The following ZNF804B variants were observed in gnomAD, a reference collection of about 807,000 sequenced individuals.
The protein encoded by ZNF804B is zinc finger 804B.
In ZNF804B, 80 loss-of-function variants were observed where a neutral mutation model predicts 101.4. The observed-to-expected ratio is 0.79, with a 90% CI of 0.66 to 0.95. The LOEUF (loss-of-function observed/expected upper bound fraction) is 0.95, where lower values mean the gene tolerates loss of function less well. Ranked by LOEUF, ZNF804B falls within the 40% of genes least tolerant of loss-of-function variation. ZNF804B has a pLI of 0.00. For missense variants in ZNF804B, 1,673 were observed against 1,561.9 expected (o/e 1.07, Z -1.20); for synonymous variants, 622 against 558.8 (o/e 1.11, Z -1.59).
In ZNF804B at chr7:89,327,325, GT is replaced by G; in HGVS notation, c.250-14del. 6.4e-7 allele frequency: 1 copy of G among 1,569,876 alleles called. No homozygotes were observed. ...ATTATTTATTTATAGTACCTTTTTG[GT>G]TTTTCTTCTTTTTCAAGAGACTGAA... On this transcript the variant is annotated intron_variant, in intron 2 of 3. Transcript: ENST00000333190.
At chr7:89,262,145 C>A (rs1789721077) in intron 2 of ZNF804B, among the ~76,000 whole-genome samples, 1 of 152,130 alleles carries the variant, frequency 6.6e-6, no homozygotes, top group African/African-American at 2.4e-5. Flanking sequence ...TTTTCAACTT[C>A]GTTGATTGAC....
chr7:89,205,559 G>A (rs1788703171), intron 1 of ZNF804B, among the ~76,000 whole-genome samples: 1 of 152,180 alleles, frequency 6.6e-6, no homozygotes, highest in African/African-American at 2.4e-5. Context: ...CCAAAATCCA[G>A]TGGGGCTGTC....
intron 1 of ZNF804B, among the ~76,000 whole-genome samples, chr7:88,853,261 A>G (rs1372158390): frequency 6.6e-6 from 1 of 152,160 alleles, no homozygotes; most frequent in African/African-American, 2.4e-5. Flanking sequence ...AGTGGCCCTC[A>G]CGCACTGTTA....
At chr7:89,121,698 A>G (rs1285180215) in intron 1 of ZNF804B, among the ~76,000 whole-genome samples, 1 of 152,176 alleles carries the variant, frequency 6.6e-6, no homozygotes. Context: ...AAAGAATCTA[A>G]AGATTTACCC....
At chr7:89,089,995 T>C (rs1444672517) in intron 1 of ZNF804B, among the ~76,000 whole-genome samples, 1 of 152,108 alleles carries the variant, frequency 6.6e-6, no homozygotes, top group Admixed American at 6.6e-5. Context: ...TAAAAGTAGT[T>C]GTTACATTTA....
chr7:89,055,144 G>A (rs556749969), intron 1 of ZNF804B, among the ~76,000 whole-genome samples: 1 of 152,196 alleles, frequency 6.6e-6, no homozygotes, highest in East Asian at 1.9e-4. Context: ...AATTTTGAGG[G>A]ATGACTTGAC....
At chr7:89,160,688 T>C (rs1791046111) in intron 1 of ZNF804B, among the ~76,000 whole-genome samples, 1 of 152,126 alleles carries the variant, frequency 6.6e-6, no homozygotes, top group Non-Finnish European at 1.5e-5. Context: ...ATAATAACCA[T>C]TTGGGACTTT....
chr7:89,140,935 T>C (rs1405022001), intron 1 of ZNF804B, among the ~76,000 whole-genome samples: 2 of 151,690 alleles, frequency 1.3e-5, no homozygotes, highest in Admixed American at 6.6e-5. Flanking sequence ...AGCTTAATCA[T>C]TTCTAGCTTT....
chr7:89,034,777 T>C (rs962740637), intron 1 of ZNF804B, among the ~76,000 whole-genome samples: 1 of 152,166 alleles, frequency 6.6e-6, no homozygotes, highest in Admixed American at 6.6e-5. Flanking sequence ...GTAATGGGAT[T>C]GCTGGGTCAA....
intron 1 of ZNF804B, among the ~76,000 whole-genome samples, chr7:88,819,986 T>A (rs2373391): frequency 0.26 from 38,915 of 152,036 alleles, 5,732 homozygotes; most frequent in East Asian, 0.7. Context: ...ATATTTTAAA[T>A]CAATTGGTTG....
intron 1 of ZNF804B, among the ~76,000 whole-genome samples, chr7:89,209,052 A>T (rs893916044): frequency 6.6e-6 from 1 of 152,056 alleles, no homozygotes; most frequent in Non-Finnish European, 1.5e-5. Context: ...TCCCTGTTCA[A>T]TTGCAGTCAG....
At chr7:89,157,110 T>A (rs1790991181) in intron 1 of ZNF804B, among the ~76,000 whole-genome samples, 1 of 152,168 alleles carries the variant, frequency 6.6e-6, no homozygotes, top group African/African-American at 2.4e-5. Flanking sequence ...TGTTTATATT[T>A]AAGTCAGCAG....
intron 2 of ZNF804B, among the ~76,000 whole-genome samples, chr7:89,243,773 T>G (rs1219162362): frequency 1.3e-5 from 2 of 151,838 alleles, no homozygotes; most frequent in Non-Finnish European, 3.0e-5. Flanking sequence ...TTTTATTAAC[T>G]TCAATTTCTT....
At chr7:88,801,221 G>A (rs1790576413) in intron 1 of ZNF804B, among the ~76,000 whole-genome samples, 1 of 151,594 alleles carries the variant, frequency 6.6e-6, no homozygotes, top group Non-Finnish European at 1.5e-5. Context: ...ACCCTGGTGT[G>A]TAGTTTGTTA....
intron 1 of ZNF804B, among the ~76,000 whole-genome samples, chr7:89,104,601 T>G (rs548433466): frequency 6.6e-6 from 1 of 152,224 alleles, no homozygotes; most frequent in South Asian, 2.1e-4. Context: ...CTTATTTTTC[T>G]GTTGGGACAA....
chr7:88,975,996 A>G (rs1278429180), intron 1 of ZNF804B, among the ~76,000 whole-genome samples: 2 of 151,674 alleles, frequency 1.3e-5, no homozygotes, highest in Non-Finnish European at 3.0e-5. Context: ...ATGCATATCC[A>G]GTTTTCCCAG....
At chr7:89,174,327 A>G (rs924868046) in intron 1 of ZNF804B, among the ~76,000 whole-genome samples, 2 of 152,202 alleles carry the variant, frequency 1.3e-5, no homozygotes, top group Admixed American at 6.5e-5. Flanking sequence ...TGGCTCCCAC[A>G]AATGAGTGAG....
At chr7:89,313,405 A>C (rs1156793640) in intron 2 of ZNF804B, among the ~76,000 whole-genome samples, 1 of 152,214 alleles carries the variant, frequency 6.6e-6, no homozygotes, top group African/African-American at 2.4e-5. Context: ...GACATACTTC[A>C]GTGAATTCAC....
intron 2 of ZNF804B, among the ~76,000 whole-genome samples, chr7:89,324,590 T>C (rs1325690223): frequency 6.7e-6 from 1 of 148,956 alleles, no homozygotes; most frequent in Non-Finnish European, 1.5e-5. Context: ...AATTGTCCAG[T>C]CTACCTTACC....
Sources: allele counts gnomAD v4.1 joint callset (sites outside exome capture counted in the v4.1 genomes callset), GRCh38; gene constraint gnomAD v4.1.1; transcripts MANE v1.5; gene names NCBI Gene and HGNC (gene_info 2026-07-23, HGNC 2026-07-21).